The following NCOA5 variants were observed in gnomAD, a reference collection of about 807,000 sequenced individuals.
NCOA5 encodes the protein NCoA-5.
Under a neutral mutation model 59.0 loss-of-function variants are expected in NCOA5, and 12 were observed. That is an observed-to-expected ratio of 0.20 (90% CI 0.13 to 0.33). The LOEUF (loss-of-function observed/expected upper bound fraction) is 0.33, where lower values mean the gene tolerates loss of function less well. Ranked by LOEUF, NCOA5 falls within the 10% of genes least tolerant of loss-of-function variation. NCOA5 has a pLI of 1.00. For synonymous variants in NCOA5, 270 were observed against 275.5 expected, an observed-to-expected ratio of 0.98 and a Z score of 0.20; for missense variants, 655 against 766.6, an observed-to-expected ratio of 0.85 and a Z score of 1.72.
In NCOA5 at chr20:46,063,630, A is replaced by G. The variant is rs2084791987; in HGVS notation, c.880T>C (p.Tyr294His). The G allele has an allele frequency of 6.2e-7, 1 of 1,613,764 alleles. No individual in the cohort carries two copies. The highest frequency in any genetic ancestry group is 1.3e-5 in the African/African-American group (1 of 74,792). The change falls in exon 7 of 8, where the codon TAT (tyrosine) becomes CAT (histidine). Residue 294 changes from tyrosine (Y) to histidine (H), a missense_variant. Tyr to His is a moderately conservative substitution (Grantham distance 83, BLOSUM62 2). Transcript: ENST00000290231. Reference sequence around the variant, plus strand: ...CGGCACTCATTCTTGTAACGCTCATAATTTCTGGCCACCAGCACCATGGCA... The same window carrying G: ...CGGCACTCATTCTTGTAACGCTCATGATTTCTGGCCACCAGCACCATGGCA... ...ADAMVLVARN[Y>H]ERYKNECREK... is the part of the protein sequence containing the mutation.
chr20:46,087,704 T>G (rs1307773339), intron 1 of NCOA5, among the ~76,000 whole-genome samples: 2 of 152,192 alleles, frequency 1.3e-5, no homozygotes, highest in Non-Finnish European at 2.9e-5. Flanking sequence ...ATCGCACCAC[T>G]GCACTCCAGC....
intron 3 of NCOA5, 97 bp from the exon 4 acceptor site, chr20:46,068,735 A>G: frequency 1.7e-6 from 2 of 1,181,876 alleles, no homozygotes; most frequent in Admixed American, 2.3e-5. Context: ...TGAGGTTTAT[A>G]TCTGGGACTC....
intron 6 of NCOA5, among the ~76,000 whole-genome samples, 194 bp downstream of exon 6, chr20:46,064,835 G>A (rs771389198): frequency 6.6e-6 from 1 of 152,172 alleles, no homozygotes; most frequent in African/African-American, 2.4e-5. Context: ...TAAGTATAGT[G>A]TAACAGAGAT....
intron 2 of NCOA5, among the ~76,000 whole-genome samples, chr20:46,072,460 A>T (rs981225897): frequency 6.6e-6 from 1 of 152,164 alleles, no homozygotes. Context: ...TCAGCCTACC[A>T]AGTAGCTGGA....
Position 46,067,145 on chromosome 20 carries a change from A to C in NCOA5, c.539T>G (p.Leu180Arg). The change falls in exon 5 of 8, where the codon CTT becomes CGT. Residue 180 changes from leucine (L) to arginine (R), a missense_variant. Leu to Arg is a moderately radical substitution (Grantham distance 102). This residue lies in a region of NCOA5 where 250 missense variants were observed against 260.1 expected (regional missense o/e 0.96). Coordinates refer to ENST00000290231, the MANE Select transcript of NCOA5 (RefSeq NM_020967.3). ...GATTTCCTCAAAATATTGACGATAA[A>C]GCTCTTCTCTACGCCGTTCCTCACG... Reference protein sequence around the residue: ...LKREERRREELYRQYFEEIQR... With the variant: ...LKREERRREERYRQYFEEIQR... The C allele has an allele frequency of 6.2e-7, 1 of 1,614,182 alleles. No individual in the cohort carries two copies. The highest frequency in any genetic ancestry group is 8.5e-7 in the Non-Finnish European group (1 of 1,180,022).
At chr20:46,080,208 A>T (rs191333469) in intron 1 of NCOA5, among the ~76,000 whole-genome samples, 70 of 152,308 alleles carry the variant, frequency 4.6e-4, no homozygotes, top group Non-Finnish European at 6.5e-4. Flanking sequence ...GCTTAAAGAA[A>T]AGCAAATTTG....
chr20:46,071,359 CAAGTTTT>C (rs1387806391), intron 2 of NCOA5, among the ~76,000 whole-genome samples: 7 of 152,280 alleles, frequency 4.6e-5, no homozygotes, highest in Non-Finnish European at 7.4e-5. Context: ...TTCCACTTAT[CAAGTTTT>C]AAGTTCTTGA....
Position 46,063,486 on chromosome 20 carries a change from T to C in NCOA5, c.1024A>G (p.Ile342Val), listed in dbSNP as rs755246776. The part of the protein sequence containing the change: ...EGVRGGHPPA[I>V]QSLINLLADN... ...GCCAGCAGGTTGATGAGGCTCTGGA[T>C]GGCTGGAGGGTGGCCCCCACGCACT... is the stretch of plus-strand genomic sequence containing the variant. Residue 342 changes from isoleucine to valine, a missense_variant, in exon 7 of 8, where the codon ATC becomes GTC. This residue lies in a region of NCOA5 where 325 missense variants were observed against 353.2 expected (regional missense o/e 0.92). Coordinates refer to ENST00000290231, the MANE Select transcript of NCOA5 (RefSeq NM_020967.3). 3 of 1,614,226 alleles carry C rather than the reference T, an allele frequency of 1.9e-6. No homozygotes were observed. The highest frequency in any genetic ancestry group is 2.5e-6 in the Non-Finnish European group (3 of 1,180,038).
chr20:46,087,374 C>G (rs564329772), intron 1 of NCOA5, among the ~76,000 whole-genome samples: 4 of 152,338 alleles, frequency 2.6e-5, no homozygotes, highest in African/African-American at 7.2e-5. Flanking sequence ...ATCTGCAGGT[C>G]ATAAACATGG....
chr20:46,067,277 A>C (rs1181990054), intron 4 of NCOA5, 96 bp from the exon 5 acceptor site: 5 of 1,400,672 alleles, frequency 3.6e-6, no homozygotes, highest in Non-Finnish European at 4.8e-6. Flanking sequence ...CTCTGAATCA[A>C]TCCTCTGGTC....
In NCOA5 at chr20:46,070,423, C is replaced by A. The variant is rs1204783263; in HGVS notation, c.152G>T (p.Ser51Ile). The A allele has an allele frequency of 6.2e-7, 1 of 1,613,822 alleles. No homozygotes were observed. Among genetic ancestry groups the A allele is most frequent in the Non-Finnish European group, 8.5e-7 (1 of 1,179,962 alleles). ...DGRNGRDARD[S>I]RDIRDPRDLR... ...GTCTCGGGGGTCTCGAATGTCTCTG[C>A]TGTCCCGGGCATCCCGGCCATTTCT... The change falls in exon 3 of 8, where the codon AGC becomes ATC. Residue 51 changes from serine (S) to isoleucine (I), a missense_variant. Transcript: ENST00000290231.
At chr20:46,086,282 G>A (rs2085044816) in intron 1 of NCOA5, among the ~76,000 whole-genome samples, 1 of 152,194 alleles carries the variant, frequency 6.6e-6, no homozygotes, top group Non-Finnish European at 1.5e-5. Flanking sequence ...CTTTACATAG[G>A]ATGTCTGGAA....
chr20:46,072,441 C>G (rs2084892147), intron 2 of NCOA5, among the ~76,000 whole-genome samples: 1 of 152,156 alleles, frequency 6.6e-6, no homozygotes, highest in Non-Finnish European at 1.5e-5. Flanking sequence ...CTCAAGTGAT[C>G]CTCCTGCCTC....
chr20:46,062,710 C>G lies in NCOA5; in HGVS notation c.1330G>C (p.Val444Leu), dbSNP rs762533238. The G allele has an allele frequency of 1.2e-6, 2 of 1,614,048 alleles. No homozygotes were observed. ...KILSLFNSGT[V>L]TANSSSASPS... ...GATGCAGAGCTGCTATTGGCCGTCA[C>G]TGTGCCACTATTGAAGAGGCTGAGG... Residue 444 changes from valine (V) to leucine (L), a missense_variant, in exon 8 of 8, where the codon GTG (valine) becomes CTG (leucine). Val to Leu is a conservative substitution (Grantham distance 32). Around this residue, in one of 3 missense-constraint regions of NCOA5, gnomAD observed 325 missense variants for 353.2 expected, o/e 0.92. Coordinates refer to ENST00000290231, the MANE Select transcript of NCOA5 (RefSeq NM_020967.3).
At chr20:46,077,071 T>C (rs1024633100) in intron 2 of NCOA5, among the ~76,000 whole-genome samples, 5 of 152,094 alleles carry the variant, frequency 3.3e-5, no homozygotes, top group Non-Finnish European at 5.9e-5. Flanking sequence ...GCAAGAGCCA[T>C]GACGCCCGGC....
In NCOA5 at chr20:46,061,437, A is replaced by G. The variant is rs763331179; in HGVS notation, c.*863T>C. The stretch of plus-strand genomic sequence containing the variant: ...GAATAAGAGTCTAGACAAAAACAAG[A>G]GCCTGGGGTTTTGAGCCAAAAGCCC... On this transcript the variant is annotated 3_prime_UTR_variant, in exon 8 of 8. Transcript: ENST00000290231. The G allele has an allele frequency of 1.3e-5, 2 of 152,568 alleles. No individual in the cohort carries two copies. The highest frequency in any genetic ancestry group is 2.9e-5 in the Non-Finnish European group (2 of 68,026). The allele number at this position is 152,568 out of a possible 1,614,324, so 9.5% of individuals were successfully genotyped here.
intron 1 of NCOA5, among the ~76,000 whole-genome samples, chr20:46,081,281 T>C (rs994731660): frequency 2.6e-5 from 4 of 152,074 alleles, no homozygotes; most frequent in Admixed American, 2.0e-4. Flanking sequence ...ACATATAGTA[T>C]TACTTTAATT....
intron 1 of NCOA5, among the ~76,000 whole-genome samples, chr20:46,083,588 C>A (rs1211026570): frequency 1.3e-5 from 2 of 152,180 alleles, no homozygotes; most frequent in Non-Finnish European, 2.9e-5. Context: ...AGTGACAGTA[C>A]CACCACTAGC....
intron 5 of NCOA5, 64 bp downstream of exon 5, chr20:46,066,991 A>G (rs1001330688): frequency 7.6e-6 from 12 of 1,579,686 alleles, no homozygotes; most frequent in East Asian, 2.2e-5. Context: ...TAGAGGTGCT[A>G]AACAGGAGCC....
Sources: allele counts gnomAD v4.1 joint callset (sites outside exome capture counted in the v4.1 genomes callset), GRCh38; gene constraint gnomAD v4.1.1; regional missense constraint gnomAD v4.1.1; transcripts MANE v1.5; gene names NCBI Gene and HGNC (gene_info 2026-07-23, HGNC 2026-07-21).